Variants in FOXP1 observed in about 807,000 individuals in gnomAD.
FOXP1 encodes forkhead box protein P1.
A neutral mutation model predicts 98.2 loss-of-function variants in FOXP1; 15 were observed. That is an observed-to-expected ratio of 0.15 (90% CI 0.10 to 0.24). The LOEUF (loss-of-function observed/expected upper bound fraction) is 0.24. Ranked by LOEUF, FOXP1 falls within the 10% of genes least tolerant of loss-of-function variation. The pLI is 1.00. For missense variants in FOXP1, 633 were observed against 848.5 expected, an observed-to-expected ratio of 0.75 and a Z score of 3.15; for synonymous variants, 371 against 314.5, an observed-to-expected ratio of 1.18 and a Z score of -1.90.
intron 3 of FOXP1, among the ~76,000 whole-genome samples, chr3:71,410,029 C>T (rs1233313246): frequency 6.6e-6 from 1 of 152,084 alleles, no homozygotes; most frequent in Non-Finnish European, 1.5e-5. Context: ...CCAACAACAA[C>T]AGCAACAACA....
intron 3 of FOXP1, among the ~76,000 whole-genome samples, chr3:71,453,786 A>C (rs1577598126): frequency 6.6e-6 from 1 of 152,206 alleles, no homozygotes; most frequent in African/African-American, 2.4e-5. Flanking sequence ...GAATTTACAA[A>C]TATGTACTAA....
intron 3 of FOXP1, among the ~76,000 whole-genome samples, chr3:71,415,507 T>G (rs1032195044): frequency 1.3e-5 from 2 of 152,142 alleles, no homozygotes; most frequent in Non-Finnish European, 2.9e-5. Flanking sequence ...AAAAAAGGAA[T>G]GTAGAAATCA....
At chr3:71,086,786 T>C (rs2055149796) in intron 7 of FOXP1, among the ~76,000 whole-genome samples, 1 of 152,344 alleles carries the variant, frequency 6.6e-6, no homozygotes, top group Middle Eastern at 3.4e-3. Context: ...GCGATTTGCT[T>C]GATCCATCAC....
intron 19 of FOXP1, 56 bp from the exon 20 acceptor site, chr3:70,966,112 C>G: frequency 1.4e-6 from 2 of 1,433,606 alleles, no homozygotes; most frequent in South Asian, 1.1e-5. Context: ...GACAAGGAAA[C>G]TACTAATTAT....
At chr3:71,397,200 G>T (rs374481366) in intron 3 of FOXP1, among the ~76,000 whole-genome samples, 3 of 149,526 alleles carry the variant, frequency 2.0e-5, no homozygotes, top group African/African-American at 7.4e-5. Context: ...ATTTTAAATT[G>T]TCTAAGCCAT....
chr3:71,432,841 C>T (rs1577471352), intron 3 of FOXP1, among the ~76,000 whole-genome samples: 2 of 111,742 alleles, frequency 1.8e-5, no homozygotes, highest in African/African-American at 7.0e-5. Context: ...GAAATGTGAA[C>T]ATGTTAAAAA....
At chr3:71,320,335 C>T (rs2075316365) in intron 4 of FOXP1, among the ~76,000 whole-genome samples, 1 of 151,848 alleles carries the variant, frequency 6.6e-6, no homozygotes, top group Non-Finnish European at 1.5e-5. Context: ...CTGCTTGGTC[C>T]TCTGCTTGCA....
intron 3 of FOXP1, among the ~76,000 whole-genome samples, chr3:71,404,118 T>C (rs1305842013): frequency 1.5e-5 from 1 of 65,290 alleles, no homozygotes; most frequent in African/African-American, 4.2e-5. Context: ...TCTTTTCTTT[T>C]TCTTTTTTTT....
intron 7 of FOXP1, among the ~76,000 whole-genome samples, chr3:71,064,144 G>A (rs2051995380): frequency 6.6e-6 from 1 of 152,178 alleles, no homozygotes; most frequent in South Asian, 2.1e-4. Flanking sequence ...ACCTGCCAGA[G>A]TGTTCCATTC....
intron 6 of FOXP1, among the ~76,000 whole-genome samples, chr3:71,132,412 C>A (rs752213909): frequency 6.6e-6 from 1 of 152,142 alleles, no homozygotes; most frequent in Non-Finnish European, 1.5e-5. Context: ...GGAATTATCA[C>A]AACTTTCTCA....
intron 10 of FOXP1, among the ~76,000 whole-genome samples, chr3:71,041,884 C>A (rs577671815): frequency 6.6e-6 from 1 of 152,096 alleles, no homozygotes; most frequent in East Asian, 1.9e-4. Context: ...AAGAAGGGCT[C>A]AAAATAAATT....
intron 3 of FOXP1, among the ~76,000 whole-genome samples, chr3:71,448,007 A>G (rs1278893157): frequency 1.4e-4 from 21 of 152,192 alleles, no homozygotes; most frequent in Admixed American, 1.4e-3. Context: ...GGCTTCATTC[A>G]TACACACCAC....
intron 11 of FOXP1, among the ~76,000 whole-genome samples, chr3:71,028,820 A>G (rs2046469849): frequency 6.6e-6 from 1 of 152,208 alleles, no homozygotes; most frequent in African/African-American, 2.4e-5. Context: ...ATGTGGGGGT[A>G]ATGGGAGACA....
At chr3:71,278,841 G>A (rs997944287) in intron 5 of FOXP1, among the ~76,000 whole-genome samples, 9 of 151,852 alleles carry the variant, frequency 5.9e-5, no homozygotes, top group South Asian at 2.1e-4. Context: ...ATACCCAGCC[G>A]CGCCTTCATG....
At chr3:71,198,673 A>C (rs2063465205) in intron 5 of FOXP1, among the ~76,000 whole-genome samples, 1 of 152,078 alleles carries the variant, frequency 6.6e-6, no homozygotes, top group African/African-American at 2.4e-5. Context: ...GTAAACCTAG[A>C]ATTCAAGATT....
At chr3:71,290,127 T>A (rs2072589422) in intron 5 of FOXP1, among the ~76,000 whole-genome samples, 1 of 152,156 alleles carries the variant, frequency 6.6e-6, no homozygotes. Context: ...TATCTACAAC[T>A]ACATTCCTGG....
chr3:71,384,209 G>A (rs1036767052), intron 3 of FOXP1, among the ~76,000 whole-genome samples: 6 of 152,042 alleles, frequency 3.9e-5, no homozygotes, highest in South Asian at 2.1e-4. Flanking sequence ...GTGGGACTCC[G>A]TCTCAGCAAA....
chr3:71,230,038 G>T (rs1303185195), intron 5 of FOXP1, among the ~76,000 whole-genome samples: 1 of 147,376 alleles, frequency 6.8e-6, no homozygotes, highest in African/African-American at 2.5e-5. Context: ...AGCTCCTAAG[G>T]CAGCCTCAAG....
Position 71,377,742 on chromosome 3 carries a change from T to C in FOXP1, c.-167-18498A>G, listed in dbSNP as rs116238727. Reference sequence around the variant, plus strand: ...GCAACTTGAAAAAACAACTTTGTTTTAAGAAGCTGTTTTGAAATTAAGAAC... The same window carrying C: ...GCAACTTGAAAAAACAACTTTGTTTCAAGAAGCTGTTTTGAAATTAAGAAC... On this transcript the variant is annotated intron_variant, in intron 3 of 20. Coordinates refer to ENST00000649528, the MANE Select transcript of FOXP1 (RefSeq NM_001349338.3). Among the ~76,000 whole-genome samples the C allele has an allele frequency of 4.9e-3, 739 of 152,350 alleles. 5 individuals are homozygous for C. Among genetic ancestry groups the C allele is most frequent in the Non-Finnish European group, 7.8e-3 (534 of 68,034 alleles).
Sources: allele counts gnomAD v4.1 joint callset (sites outside exome capture counted in the v4.1 genomes callset), GRCh38; gene constraint gnomAD v4.1.1; transcripts MANE v1.5; gene names NCBI Gene and HGNC (gene_info 2026-07-23, HGNC 2026-07-21).